The following CHODL variants were observed in gnomAD, a reference collection of about 807,000 sequenced individuals.
CHODL encodes chondrolectin.
Under a neutral mutation model 34.5 loss-of-function variants are expected in CHODL, and 29 were observed. The ratio of observed to expected loss-of-function variants is 0.84; its 90% confidence interval spans 0.63 to 1.15. The LOEUF (loss-of-function observed/expected upper bound fraction) is 1.15, where lower values mean the gene tolerates loss of function less well. CHODL is among the 50% of genes most tolerant of loss of function. The probability of loss-of-function intolerance (pLI) is 0.00; values close to 1 mark genes in which losing one functional copy is unlikely to be tolerated. For missense variants in CHODL, 332 were observed against 332.5 expected, an observed-to-expected ratio of 1.00 and a Z score of 0.01; for synonymous variants, 125 against 116.1, an observed-to-expected ratio of 1.08 and a Z score of -0.49.
At chr21:18,260,076 G>A in intron 3 of CHODL, 124 bp from the exon 4 acceptor site, 2 of 312,102 alleles carry the variant, frequency 6.4e-6, no homozygotes, top group Non-Finnish European at 1.1e-5. Context: ...TATTTTATTA[G>A]CTGTAAGCTG....
At chr21:17,919,570 C>T (rs1283465488) in intron 1 of CHODL, among the ~76,000 whole-genome samples, 1 of 152,000 alleles carries the variant, frequency 6.6e-6, no homozygotes, top group African/African-American at 2.4e-5. Flanking sequence ...CCATTTTTTC[C>T]TCCTAAATCT....
intron 2 of CHODL, among the ~76,000 whole-genome samples, chr21:18,212,252 A>T (rs1024190815): frequency 6.6e-6 from 1 of 152,178 alleles, no homozygotes; most frequent in African/African-American, 2.4e-5. Context: ...TATCATAGTT[A>T]ATAGCAATTT....
At chr21:18,179,506 C>T (rs1322207036) in intron 2 of CHODL, among the ~76,000 whole-genome samples, 1 of 152,152 alleles carries the variant, frequency 6.6e-6, no homozygotes, top group Non-Finnish European at 1.5e-5. Context: ...TGCAAGTCCT[C>T]TTATTTCTAC....
chr21:18,125,493 G>A (rs187070731), intron 2 of CHODL, among the ~76,000 whole-genome samples: 3 of 152,098 alleles, frequency 2.0e-5, no homozygotes, highest in African/African-American at 7.2e-5. Flanking sequence ...AAACCTAAAA[G>A]TGAGGAAAAC....
At chr21:17,921,425 G>A (rs999279058) in intron 1 of CHODL, among the ~76,000 whole-genome samples, 2 of 152,200 alleles carry the variant, frequency 1.3e-5, no homozygotes, top group Admixed American at 1.3e-4. Context: ...AGTGATGTGT[G>A]CCCCTTATAG....
intron 1 of CHODL, among the ~76,000 whole-genome samples, chr21:17,932,238 A>T (rs1325909742): frequency 6.6e-6 from 1 of 152,244 alleles, no homozygotes; most frequent in African/African-American, 2.4e-5. Flanking sequence ...AAAAGTGCAA[A>T]CTAAAACCAT....
chr21:18,047,205 G>A (rs1043536645), intron 2 of CHODL, among the ~76,000 whole-genome samples: 1 of 151,962 alleles, frequency 6.6e-6, no homozygotes, highest in African/African-American at 2.4e-5. Context: ...CTGGCAGAAA[G>A]AGAAAGTATA....
chr21:18,175,157 G>A (rs10482895), intron 2 of CHODL, among the ~76,000 whole-genome samples: 7,165 of 152,238 alleles, frequency 0.047, 535 homozygotes, highest in African/African-American at 0.16. Context: ...CTGCTTTTAT[G>A]TATTGAGGCT....
chr21:17,923,537 C>G (rs1370484570), intron 1 of CHODL, among the ~76,000 whole-genome samples: 1 of 150,740 alleles, frequency 6.6e-6, no homozygotes, highest in Non-Finnish European at 1.5e-5. Context: ...TCTCGGCTCA[C>G]TGCAACCTCC....
chr21:18,160,202 CACAGGGTT>C (rs1378723048), intron 2 of CHODL, among the ~76,000 whole-genome samples: 1 of 152,124 alleles, frequency 6.6e-6, no homozygotes, highest in African/African-American at 2.4e-5. Context: ...AAGTGATCTA[CACAGGGTT>C]ACATAACTGG....
intron 2 of CHODL, among the ~76,000 whole-genome samples, chr21:18,045,849 T>C (rs1187928935): frequency 1.3e-5 from 2 of 151,886 alleles, no homozygotes; most frequent in African/African-American, 4.8e-5. Flanking sequence ...ACAGCATTTG[T>C]CTCCTCCAGC....
intron 2 of CHODL, among the ~76,000 whole-genome samples, chr21:18,175,524 C>T (rs1292932356): frequency 6.6e-6 from 1 of 150,376 alleles, no homozygotes; most frequent in Admixed American, 6.7e-5. Flanking sequence ...ACCTGGGAGG[C>T]GGAGGTTGCA....
At chr21:18,090,186 C>G (rs1051319291) in intron 2 of CHODL, among the ~76,000 whole-genome samples, 1 of 152,154 alleles carries the variant, frequency 6.6e-6, no homozygotes, top group Non-Finnish European at 1.5e-5. Context: ...CCTGGCCAAA[C>G]AAACAGAAAG....
chr21:18,029,551 A>T (rs1251417708), intron 2 of CHODL, among the ~76,000 whole-genome samples: 2 of 152,142 alleles, frequency 1.3e-5, no homozygotes, highest in Non-Finnish European at 1.5e-5. Flanking sequence ...AACTTTGTAT[A>T]TATTTAACAT....
intron 2 of CHODL, among the ~76,000 whole-genome samples, chr21:18,028,729 G>GGC: frequency 6.8e-6 from 1 of 147,976 alleles, no homozygotes; most frequent in East Asian, 2.0e-4. Flanking sequence ...AAAAGAACTA[G>GGC]TCTTGTTAAC....
intron 2 of CHODL, among the ~76,000 whole-genome samples, chr21:18,236,149 T>C (rs1229205351): frequency 2.0e-5 from 3 of 152,088 alleles, no homozygotes; most frequent in East Asian, 1.9e-4. Flanking sequence ...CTTACTATCA[T>C]GGCAAAAGGA....
At chr21:18,026,508 T>G (rs2064177262) in intron 1 of CHODL, among the ~76,000 whole-genome samples, 1 of 152,138 alleles carries the variant, frequency 6.6e-6, no homozygotes, top group African/African-American at 2.4e-5. Flanking sequence ...TCTTTGCTGC[T>G]AATCACTCCT....
intron 2 of CHODL, among the ~76,000 whole-genome samples, chr21:18,209,703 C>T (rs569205474): frequency 1.1e-4 from 16 of 152,264 alleles, no homozygotes; most frequent in African/African-American, 3.8e-4. Context: ...TATTGCTGCT[C>T]ATTATTCAGG....
intron 1 of CHODL, among the ~76,000 whole-genome samples, chr21:18,256,051 A>G (rs2074311399): frequency 6.6e-6 from 1 of 152,262 alleles, no homozygotes; most frequent in East Asian, 1.9e-4. Context: ...TTTATACCTT[A>G]AATCTGCCAC....
Sources: gnomAD v4.1 joint callset for allele counts (sites outside exome capture counted in the v4.1 genomes callset) on GRCh38, gnomAD v4.1.1 for gene constraint, MANE v1.5 for transcripts, NCBI Gene and HGNC (gene_info 2026-07-23, HGNC 2026-07-21) for gene names.